Variants in SLC24A3 observed in about 807,000 individuals in gnomAD.
SLC24A3 encodes solute carrier family 24 member 3.
Under a neutral mutation model 75.8 loss-of-function variants are expected in SLC24A3, and 28 were observed. The ratio of observed to expected loss-of-function variants is 0.37; its 90% CI spans 0.27 to 0.51. The LOEUF (loss-of-function observed/expected upper bound fraction) is 0.51, where lower values mean the gene tolerates loss of function less well. SLC24A3 is among the 20% of genes least tolerant of loss of function. The pLI is 0.94. For synonymous variants in SLC24A3, 372 were observed against 334.1 expected (o/e 1.11, Z -1.24); for missense variants, 663 against 847.8 (o/e 0.78, Z 2.71).
intron 2 of SLC24A3, among the ~76,000 whole-genome samples, chr20:19,510,336 G>A (rs1428192968): frequency 6.6e-6 from 1 of 152,244 alleles, no homozygotes; most frequent in South Asian, 2.1e-4. Context: ...TTATCCTGAT[G>A]TTATGCTTGT....
intron 2 of SLC24A3, among the ~76,000 whole-genome samples, chr20:19,400,470 T>C (rs557025384): frequency 6.6e-6 from 1 of 152,292 alleles, no homozygotes; most frequent in South Asian, 2.1e-4. Context: ...CAGGCACTAT[T>C]CCTAGCCCTG....
chr20:19,474,041 G>T (rs1053225485), intron 2 of SLC24A3, among the ~76,000 whole-genome samples: 3 of 152,246 alleles, frequency 2.0e-5, no homozygotes, highest in Non-Finnish European at 2.9e-5. Context: ...TGTCGGAGGA[G>T]ATGTTCTACT....
At chr20:19,613,478 T>G (rs919399047) in intron 6 of SLC24A3, among the ~76,000 whole-genome samples, 6 of 152,214 alleles carry the variant, frequency 3.9e-5, no homozygotes, top group African/African-American at 1.4e-4. Context: ...TTTTAGAGTA[T>G]CTTGCTGAAT....
rs183797838 is a variant in SLC24A3, at chr20:19,615,720, G to T, written c.612+30176G>T. Among the ~76,000 whole-genome samples, 27 of 152,280 alleles carry T rather than the reference G, an allele frequency of 1.8e-4. No homozygotes were observed. In the East Asian group the frequency reaches 4.6e-3, roughly 26 times the overall value. Reference sequence around the variant, plus strand: ...ATAGCTTTGCTTGCTGAGTCTTCTGGCTCTTTTATTCTTCCCACACTGGAC... The same window carrying T: ...ATAGCTTTGCTTGCTGAGTCTTCTGTCTCTTTTATTCTTCCCACACTGGAC... On this transcript the variant is annotated intron_variant, in intron 6 of 16. Coordinates refer to ENST00000328041, the MANE Select transcript of SLC24A3 (RefSeq NM_020689.4).
chr20:19,266,118 G>A (rs1983158068), intron 1 of SLC24A3: 2 of 152,092 alleles, frequency 1.3e-5, no homozygotes, highest in African/African-American at 4.8e-5. Context: ...GAGTTTTATT[G>A]AATCTCTCCT....
intron 2 of SLC24A3, among the ~76,000 whole-genome samples, chr20:19,427,951 C>G (rs577803626): frequency 1.3e-5 from 2 of 152,344 alleles, no homozygotes; most frequent in Non-Finnish European, 2.9e-5. Flanking sequence ...ATTCTGCTGT[C>G]CACACACATA....
chr20:19,605,224 A>C (rs554389632), intron 6 of SLC24A3, among the ~76,000 whole-genome samples: 22 of 152,350 alleles, frequency 1.4e-4, no homozygotes, highest in African/African-American at 5.3e-4. Context: ...AAAGTGTATG[A>C]TTGATCAGAT....
chr20:19,617,874 A>G (rs1600305013), intron 6 of SLC24A3, among the ~76,000 whole-genome samples: 1 of 152,124 alleles, frequency 6.6e-6, no homozygotes, highest in Admixed American at 6.5e-5. Context: ...TGAAAAGACT[A>G]AAGGGCCCTG....
rs367781560 is a variant in SLC24A3, at chr20:19,546,158, CAAAAAAAAAAAAAA to C, written c.348+30611_348+30624del. 3.4e-4 allele frequency among the ~76,000 whole-genome samples: 16 copies of C among 46,740 alleles called. 2 individuals are homozygous for C. The highest frequency in any genetic ancestry group is 1.4e-3 in the South Asian group (1 of 716). 30.7% of individuals were successfully genotyped at this position (46,740 alleles called of 152,430 possible). On this transcript the variant is annotated intron_variant, in intron 3 of 16. Transcript: ENST00000328041. ...TGGGCGACAGAGCGAGACTCCGTCT[CAAAAAAAAAAAAAA>C]AAAAAAAAAAAAAAAACCAGGTAAT...
intron 2 of SLC24A3, among the ~76,000 whole-genome samples, chr20:19,299,941 A>C (rs529187801): frequency 7.9e-5 from 12 of 152,332 alleles, no homozygotes; most frequent in Middle Eastern, 3.4e-3. Context: ...TGGCCCTGGC[A>C]TTCAGGTCTT....
At chr20:19,503,898 T>C (rs540927586) in intron 2 of SLC24A3, among the ~76,000 whole-genome samples, 1 of 152,316 alleles carries the variant, frequency 6.6e-6, no homozygotes, top group South Asian at 2.1e-4. Flanking sequence ...TATTCTAAAA[T>C]AGGTGCAGAT....
intron 2 of SLC24A3, among the ~76,000 whole-genome samples, chr20:19,465,769 T>C (rs1452600927): frequency 6.6e-6 from 1 of 152,170 alleles, no homozygotes; most frequent in African/African-American, 2.4e-5. Flanking sequence ...CTCTGTGATG[T>C]AATAGAATCT....
chr20:19,395,207 G>T (rs920845390), intron 2 of SLC24A3, among the ~76,000 whole-genome samples: 1 of 152,176 alleles, frequency 6.6e-6, no homozygotes, highest in African/African-American at 2.4e-5. Flanking sequence ...GGGAGCTACC[G>T]TGTAATGGTC....
At chr20:19,619,592 A>G (rs1438228730) in intron 6 of SLC24A3, among the ~76,000 whole-genome samples, 1 of 152,232 alleles carries the variant, frequency 6.6e-6, no homozygotes, top group South Asian at 2.1e-4. Context: ...ACTGGAGCAT[A>G]GATACATAGA....
chr20:19,531,438 A>T lies in SLC24A3; in HGVS notation c.348+15874A>T, dbSNP rs553963576. Among the ~76,000 whole-genome samples, 6 of 152,346 alleles carry T rather than the reference A, an allele frequency of 3.9e-5. No individual in the cohort carries two copies. The South Asian group carries it at 1.2e-3, about 32-fold the overall frequency. ...GTTTTGCTCCTGGGCCATTAAGAGG[A>T]GGAGAACTGGCATTGACTGGAGCCC... On this transcript the variant is annotated intron_variant, in intron 3 of 16. Transcript: ENST00000328041.
At chr20:19,630,196 G>C (rs2031916933) in intron 6 of SLC24A3, among the ~76,000 whole-genome samples, 1 of 152,196 alleles carries the variant, frequency 6.6e-6, no homozygotes, top group Admixed American at 6.5e-5. Flanking sequence ...AAGTTGCCCA[G>C]ATGGAGATGA....
At chr20:19,609,928 A>C (rs770947094) in intron 6 of SLC24A3, among the ~76,000 whole-genome samples, 6 of 150,966 alleles carry the variant, frequency 4.0e-5, no homozygotes, top group Non-Finnish European at 8.9e-5. Flanking sequence ...CAAATGGAAC[A>C]GACTTTCATT....
rs1423809357 is a variant in SLC24A3, at chr20:19,649,949, C to T, written c.613-4113C>T. ...CAAGGATACAGAACCCTTCTAAACC[C>T]TCTTCTTTGCAGGAAGGGTCAGATA... On this transcript the variant is annotated intron_variant, in intron 6 of 16. Transcript: ENST00000328041. 2.0e-5 allele frequency among the ~76,000 whole-genome samples: 3 copies of T among 152,320 alleles called. No homozygotes were observed. In the South Asian group the frequency reaches 6.2e-4, roughly 32 times the overall value.
intron 2 of SLC24A3, among the ~76,000 whole-genome samples, chr20:19,291,554 A>G (rs867522472): frequency 2.0e-5 from 3 of 152,226 alleles, no homozygotes; most frequent in Non-Finnish European, 4.4e-5. Context: ...TATCCTACGG[A>G]CGCTTCTGAG....
Sources: gnomAD v4.1 joint callset for allele counts (sites outside exome capture counted in the v4.1 genomes callset) on GRCh38, gnomAD v4.1.1 for gene constraint, MANE v1.5 for transcripts, NCBI Gene and HGNC (gene_info 2026-07-23, HGNC 2026-07-21) for gene names.